Variants in CROCC2 observed in about 807,000 individuals in gnomAD.
CROCC2 encodes the protein ciliary rootlet coiled-coil protein 2.
In CROCC2, 163 loss-of-function variants were observed where a neutral mutation model predicts 177.6. The observed-to-expected ratio is 0.92, with a 90% CI of 0.81 to 1.05. CROCC2 has a LOEUF of 1.05. Among genes scored for constraint, CROCC2 ranks in the 50% least tolerant of loss-of-function variants. The pLI is 0.00. For missense variants in CROCC2, 1,929 were observed against 1,797.8 expected, an observed-to-expected ratio of 1.07 and a Z score of -1.32; for synonymous variants, 904 against 787.3, an observed-to-expected ratio of 1.15 and a Z score of -2.48.
At chr2:240,964,837 C>T (rs1276626976) in intron 22 of CROCC2, among the ~76,000 whole-genome samples, 3 of 152,176 alleles carry the variant, frequency 2.0e-5, no homozygotes, top group Non-Finnish European at 2.9e-5. Context: ...GAGGGCAAAA[C>T]CAGGAATGCT....
At position 240,961,649 on chromosome 2, in the gene CROCC2, C is replaced by T. The variant is rs531994131; in HGVS notation, c.3088-1907C>T. Among the ~76,000 whole-genome samples, 3 of 146,688 alleles carry T rather than the reference C, an allele frequency of 2.0e-5. No homozygotes were observed. In the East Asian group the frequency reaches 6.2e-4, roughly 30 times the overall value. On this transcript the variant is annotated intron_variant, in intron 20 of 31. Coordinates refer to ENST00000690015, the MANE Select transcript of CROCC2 (RefSeq NM_001351305.2). ...CATGCACACGCTCATCACACACGCT[C>T]ATCACACACACGTACACACACACGT...
chr2:240,932,449 G>A (rs549633089), intron 8 of CROCC2, 35 bp downstream of exon 8: 1 of 717,186 alleles, frequency 1.4e-6, no homozygotes, highest in Non-Finnish European at 2.6e-6. Flanking sequence ...TGTGTGGCAG[G>A]GGTCTGTCAC....
chr2:240,963,272 A>G (rs2059655147), intron 20 of CROCC2: 5 of 468,186 alleles, frequency 1.1e-5, no homozygotes, highest in African/African-American at 1.9e-5. Flanking sequence ...ACCAGTGGTC[A>G]GCGTCCTGGG....
In CROCC2 at chr2:240,959,417, G is replaced by T. The variant is rs747131299; in HGVS notation, c.3060G>T (p.Ala1020=). 6.4e-7 allele frequency: 1 copy of T among 1,550,496 alleles called. No individual in the cohort carries two copies. The highest frequency in any genetic ancestry group is 8.7e-7 in the Non-Finnish European group (1 of 1,146,910). Residue 1020 remains alanine, a synonymous_variant, in exon 20 of 32, where the codon GCG becomes GCT. Coordinates refer to ENST00000690015, the MANE Select transcript of CROCC2 (RefSeq NM_001351305.2). ...TALRESLQDL[A]AERGDVEREA... ...TACGCGAGAGCCTCCAGGACCTAGCGGCTGAGCGGGGCGATGTGGAGAGAG... is the reference window on the plus strand; with the variant it reads ...TACGCGAGAGCCTCCAGGACCTAGCTGCTGAGCGGGGCGATGTGGAGAGAG...
In CROCC2 at chr2:240,932,892, G is replaced by A. The variant is rs537857187; in HGVS notation, c.1235G>A (p.Arg412Gln). ...LQAMRAAIER[R>Q]WRREQELCLQ... ...GCCATGCGGGCAGCCATAGAGAGGC[G>A]GTGGCGGCGGGAACAGGTGGGCAGC... The change falls in exon 9 of 32, where the codon CGG (arginine) becomes CAG (glutamine). Residue 412 changes from arginine to glutamine, a missense_variant. Around this residue, in one of 3 missense-constraint regions of CROCC2, gnomAD observed 1,397 missense variants for 1,239.9 expected, o/e 1.13. Coordinates refer to ENST00000690015, the MANE Select transcript of CROCC2 (RefSeq NM_001351305.2). 6.1e-5 allele frequency: 94 copies of A among 1,546,496 alleles called. No homozygotes were observed. In the African/African-American group the frequency reaches 8.2e-4, roughly 13 times the overall value.
At chr2:240,922,880 T>C (rs2059365851) in intron 4 of CROCC2, among the ~76,000 whole-genome samples, 1 of 152,074 alleles carries the variant, frequency 6.6e-6, no homozygotes, top group Non-Finnish European at 1.5e-5. Flanking sequence ...TGTGGGGGCC[T>C]GCAGCGCGCT....
intron 1 of CROCC2, among the ~76,000 whole-genome samples, chr2:240,911,649 G>A (rs929610186): frequency 2.0e-5 from 3 of 149,576 alleles, no homozygotes; most frequent in Admixed American, 6.7e-5. Flanking sequence ...CAACATTCAC[G>A]CCCCATTCCC....
intron 4 of CROCC2, among the ~76,000 whole-genome samples, chr2:240,925,373 C>T (rs978923568): frequency 1.1e-4 from 16 of 152,266 alleles, no homozygotes; most frequent in African/African-American, 3.6e-4. Context: ...CCCCGCCCCG[C>T]GAAAGGCACC....
Position 240,933,439 on chromosome 2 carries a change from G to A in CROCC2, c.1463+97G>A, listed in dbSNP as rs4425072. ...GGACAAGCACCTCTAGAGCTGGAGG[G>A]GTTGCCAGCCGGGGAGGGGTCCTTG... On this transcript the variant is annotated intron_variant, in intron 10 of 31. Transcript: ENST00000690015. The A allele has an allele frequency of 1.6e-3, 2,123 of 1,302,394 alleles. 29 individuals are homozygous for A. The African/African-American group carries it at 0.028, about 17-fold the overall frequency. 80.7% of individuals were successfully genotyped at this position (1,302,394 alleles called of 1,614,324 possible).
intron 5 of CROCC2, among the ~76,000 whole-genome samples, chr2:240,926,409 G>A (rs2059396025): frequency 6.6e-6 from 1 of 152,216 alleles, no homozygotes; most frequent in Non-Finnish European, 1.5e-5. Context: ...GCCCTGCTCG[G>A]ATCTCTCCAT....
Position 240,993,168 on chromosome 2 carries a change from G to C in CROCC2, c.*87G>C, listed in dbSNP as rs565251100. Reference sequence around the variant, plus strand: ...GGAGGGGCCCAGCTGATTTCTCAGCGTCACAGTGAAAGGCACCCGTGATGA... The same window carrying C: ...GGAGGGGCCCAGCTGATTTCTCAGCCTCACAGTGAAAGGCACCCGTGATGA... On this transcript the variant is annotated 3_prime_UTR_variant, in exon 32 of 32. Coordinates refer to ENST00000690015, the MANE Select transcript of CROCC2 (RefSeq NM_001351305.2). 1 of 698,278 alleles carries C rather than the reference G, an allele frequency of 1.4e-6. No individual in the cohort carries two copies. The highest frequency in any genetic ancestry group is 2.7e-6 in the Non-Finnish European group (1 of 371,900). The allele number at this position is 698,278 out of a possible 1,614,324, so 43.3% of individuals were successfully genotyped here.
At chr2:240,913,142 C>T (rs531141208) in intron 1 of CROCC2, among the ~76,000 whole-genome samples, 1 of 152,282 alleles carries the variant, frequency 6.6e-6, no homozygotes, top group African/African-American at 2.4e-5. Context: ...GTCCCACAAT[C>T]CTCCACAGAA....
At chr2:240,921,291 G>A (rs781759682) in intron 3 of CROCC2, among the ~76,000 whole-genome samples, 5 of 152,102 alleles carry the variant, frequency 3.3e-5, no homozygotes, top group South Asian at 2.1e-4. Flanking sequence ...ACCCCCACAC[G>A]GGAAACACGT....
In CROCC2 at chr2:240,932,845, C is replaced by A; in HGVS notation, c.1188C>A (p.Ala396=). 1.3e-6 allele frequency: 2 copies of A among 1,544,666 alleles called. No homozygotes were observed. Among genetic ancestry groups the A allele is most frequent in the Non-Finnish European group, 1.7e-6 (2 of 1,144,186 alleles). ...GASPPHICSP[A]TLDPALQAMR... Reference sequence around the variant, plus strand: ...CCCCACCACACATCTGCTCCCCAGCCACCCTGGACCCCGCACTGCAGGCCA... The same window carrying A: ...CCCCACCACACATCTGCTCCCCAGCAACCCTGGACCCCGCACTGCAGGCCA... Residue 396 remains alanine, a synonymous_variant, in exon 9 of 32, where the codon GCC becomes GCA. Coordinates refer to ENST00000690015, the MANE Select transcript of CROCC2 (RefSeq NM_001351305.2).
At chr2:240,948,902 C>T (rs1378199619) in intron 15 of CROCC2, 77 bp from the exon 16 acceptor site, 2 of 1,327,070 alleles carry the variant, frequency 1.5e-6, no homozygotes, top group Non-Finnish European at 2.1e-6. Context: ...TCATTAACAC[C>T]TGTGTAAAGC....
intron 17 of CROCC2, 143 bp from the exon 18 acceptor site, chr2:240,950,191 G>C (rs200453753): frequency 1.5e-5 from 11 of 729,216 alleles, no homozygotes; most frequent in South Asian, 3.9e-5. Flanking sequence ...GGGAAGACGT[G>C]GGGGGTGTGC....
At chr2:240,941,284 A>G (rs190549592) in intron 14 of CROCC2, among the ~76,000 whole-genome samples, 68 of 152,364 alleles carry the variant, frequency 4.5e-4, no homozygotes, top group Middle Eastern at 3.4e-3. Context: ...ATTCAATGCA[A>G]TTCCCATCAA....
chr2:240,992,771 G>A (rs188028281), intron 31 of CROCC2, among the ~76,000 whole-genome samples: 59 of 152,360 alleles, frequency 3.9e-4, no homozygotes, highest in Admixed American at 2.5e-3. Flanking sequence ...GCCAGATGGT[G>A]GGTGGAGGGG....
Position 240,967,657 on chromosome 2 carries a change from G to A in CROCC2, c.4267+192G>A, listed in dbSNP as rs993340532. The A allele has an allele frequency of 2.1e-5, 18 of 873,186 alleles. No individual in the cohort carries two copies. The South Asian group carries it at 6.8e-4, about 33-fold the overall frequency. 54.1% of individuals were successfully genotyped at this position (873,186 alleles called of 1,614,324 possible). ...GCTTGGCATCGGAGTTCTCAGCAGC[G>A]ACTTCCCCAGCACAGAGGAGTGACG... On this transcript the variant is annotated intron_variant, in intron 26 of 31. Transcript: ENST00000690015.
Sources: allele counts gnomAD v4.1 joint callset (sites outside exome capture counted in the v4.1 genomes callset), GRCh38; gene constraint gnomAD v4.1.1; regional missense constraint gnomAD v4.1.1; transcripts MANE v1.5; gene names NCBI Gene and HGNC (gene_info 2026-07-23, HGNC 2026-07-21).